Variants in ZCCHC4 observed in about 807,000 individuals in gnomAD.
ZCCHC4 encodes rRNA N(6)-adenosine-methyltransferase ZCCHC4.
A neutral mutation model predicts 67.7 loss-of-function variants in ZCCHC4; 54 were observed. The observed-to-expected ratio is 0.80, with a 90% CI of 0.64 to 1.00. ZCCHC4 has a LOEUF of 1.00. ZCCHC4 is among the 50% of genes least tolerant of loss of function. ZCCHC4 has a pLI of 0.00. For synonymous variants in ZCCHC4, 198 were observed against 213.5 expected, an observed-to-expected ratio of 0.93 and a Z score of 0.63; for missense variants, 609 against 617.0, an observed-to-expected ratio of 0.99 and a Z score of 0.14.
intron 11 of ZCCHC4, 81 bp from the exon 12 acceptor site, chr4:25,364,941 C>A: frequency 6.4e-7 from 1 of 1,571,120 alleles, no homozygotes. Context: ...AAACACTGTT[C>A]GTATATCCTA....
intron 10 of ZCCHC4, among the ~76,000 whole-genome samples, chr4:25,362,944 T>A (rs1260463824): frequency 6.6e-6 from 1 of 152,172 alleles, no homozygotes; most frequent in Admixed American, 6.5e-5. Flanking sequence ...CACATGCACA[T>A]TCTCCCCAAC....
intron 10 of ZCCHC4, among the ~76,000 whole-genome samples, chr4:25,363,268 A>G (rs1171514117): frequency 1.3e-5 from 2 of 152,196 alleles, no homozygotes; most frequent in African/African-American, 2.4e-5. Context: ...GGAATCATAT[A>G]GTATATAGCC....
At chr4:25,329,561 A>C (rs892720812) in intron 3 of ZCCHC4, among the ~76,000 whole-genome samples, 2 of 137,872 alleles carry the variant, frequency 1.5e-5, no homozygotes, top group African/African-American at 5.4e-5. Flanking sequence ...TTTGAGACAG[A>C]GTCTCGCTCT....
intron 3 of ZCCHC4, among the ~76,000 whole-genome samples, chr4:25,319,668 A>C (rs1718476537): frequency 6.6e-6 from 1 of 152,100 alleles, no homozygotes; most frequent in Non-Finnish European, 1.5e-5. Flanking sequence ...TTGGCTTTTT[A>C]AAATCAAAGG....
intron 9 of ZCCHC4, 117 bp downstream of exon 9, chr4:25,362,097 G>T: frequency 6.9e-7 from 1 of 1,447,872 alleles, no homozygotes; most frequent in Non-Finnish European, 9.3e-7. Context: ...TTTTAAATTA[G>T]GTCCATAATT....
intron 7 of ZCCHC4, among the ~76,000 whole-genome samples, chr4:25,351,377 T>C (rs531683226): frequency 6.6e-6 from 1 of 152,332 alleles, no homozygotes; most frequent in South Asian, 2.1e-4. Flanking sequence ...TACATACTCT[T>C]AGTAGCTATA....
At chr4:25,324,073 G>A (rs1176263153) in intron 3 of ZCCHC4, among the ~76,000 whole-genome samples, 1 of 131,772 alleles carries the variant, frequency 7.6e-6, no homozygotes, top group African/African-American at 2.8e-5. Context: ...GTGCAATGGT[G>A]CAATCTCAGT....
chr4:25,317,676 G>A (rs1174196522), intron 3 of ZCCHC4, among the ~76,000 whole-genome samples: 2 of 118,426 alleles, frequency 1.7e-5, no homozygotes, highest in African/African-American at 6.5e-5. Context: ...CTACACTCCA[G>A]CCCAGGTGAC....
In ZCCHC4 at chr4:25,345,706, C is replaced by T. The variant is rs764877544; in HGVS notation, c.759+86C>T. 3.4e-6 allele frequency: 3 copies of T among 875,356 alleles called. No homozygotes were observed. In the Admixed American group the frequency reaches 7.8e-5, roughly 23 times the overall value. The allele number at this position is 875,356 out of a possible 1,614,324, so 54.2% of individuals were successfully genotyped here. ...CCTCCTTTGTTCTTTTTCTAAATTC[C>T]CTCAAGGTCAAATTGTGGCTGTTCT... On this transcript the variant is annotated intron_variant, in intron 6 of 12. Coordinates refer to ENST00000302874, the MANE Select transcript of ZCCHC4 (RefSeq NM_024936.3).
In ZCCHC4 at chr4:25,351,696, T is replaced by G; in HGVS notation, c.1011+7T>G. The G allele has an allele frequency of 1.3e-6, 2 of 1,592,676 alleles. No individual in the cohort carries two copies. Among genetic ancestry groups the G allele is most frequent in the Non-Finnish European group, 1.7e-6 (2 of 1,166,554 alleles). ...CCAGATGCTGGATTACCAGGTAGAG[T>G]ACATATTCTGTTTTCTGGCATGGTT... On this transcript the variant is annotated splice_region_variant and intron_variant, in intron 8 of 12. Transcript: ENST00000302874.
chr4:25,353,979 G>A (rs1376119417), intron 8 of ZCCHC4, among the ~76,000 whole-genome samples: 2 of 152,062 alleles, frequency 1.3e-5, no homozygotes, highest in African/African-American at 2.4e-5. Flanking sequence ...ATAAATTGGG[G>A]CAAAAGTAAT....
intron 12 of ZCCHC4, chr4:25,365,811 C>G: frequency 1.0e-6 from 1 of 985,306 alleles, no homozygotes; most frequent in East Asian, 1.1e-4. Context: ...GAATAGTTAT[C>G]CCCAAAACAA....
chr4:25,351,954 G>C, intron 8 of ZCCHC4: 1 of 1,104,660 alleles, frequency 9.1e-7, no homozygotes. Context: ...CAAGCTCCTT[G>C]GGTGACTCCA....
At chr4:25,336,474 A>G (rs1178643284) in intron 5 of ZCCHC4, among the ~76,000 whole-genome samples, 1 of 152,068 alleles carries the variant, frequency 6.6e-6, no homozygotes, top group East Asian at 1.9e-4. Context: ...ATAATGTATT[A>G]TTAATAGGGG....
intron 3 of ZCCHC4, among the ~76,000 whole-genome samples, chr4:25,328,693 C>A (rs1213317239): frequency 1.3e-5 from 2 of 151,926 alleles, no homozygotes; most frequent in East Asian, 2.0e-4. Context: ...GCAGTCCCCC[C>A]ACCTCAGCCT....
intron 7 of ZCCHC4, among the ~76,000 whole-genome samples, chr4:25,350,652 G>A (rs1362362711): frequency 6.6e-6 from 1 of 152,160 alleles, no homozygotes; most frequent in African/African-American, 2.4e-5. Flanking sequence ...TGTTAAGAGT[G>A]TCAGGAATTT....
chr4:25,315,149 T>A (rs1279306143), intron 2 of ZCCHC4, among the ~76,000 whole-genome samples, 169 bp from the exon 3 acceptor site: 2 of 152,246 alleles, frequency 1.3e-5, no homozygotes, highest in Non-Finnish European at 2.9e-5. Flanking sequence ...GGATATTGCT[T>A]CAAGCTGCTC....
rs191895731 is a variant in ZCCHC4 at position 25,314,319 on chromosome 4, T to A, written c.246+155T>A. ...TATGTTTGTTGGTTCAGAAAATGAG[T>A]TCATGTTTACTCTGATTACTGATAT... On this transcript the variant is annotated intron_variant, in intron 2 of 12. Transcript: ENST00000302874. Among the ~76,000 whole-genome samples, 630 of 152,246 alleles carry A rather than the reference T, an allele frequency of 4.1e-3. 1 individual carries two copies. The highest frequency in any genetic ancestry group is 5.6e-3 in the Non-Finnish European group (378 of 68,018).
At chr4:25,337,853 G>A (rs1396360163) in intron 5 of ZCCHC4, among the ~76,000 whole-genome samples, 1 of 152,040 alleles carries the variant, frequency 6.6e-6, no homozygotes, top group Non-Finnish European at 1.5e-5. Context: ...GCTTTTTCAA[G>A]CTATTTTTAG....
Sources: gnomAD v4.1 joint callset for allele counts (sites outside exome capture counted in the v4.1 genomes callset) on GRCh38, gnomAD v4.1.1 for gene constraint, MANE v1.5 for transcripts, NCBI Gene and HGNC (gene_info 2026-07-23, HGNC 2026-07-21) for gene names.